CBLN2: variants seen among roughly 807,000 people sequenced by gnomAD.
CBLN2 encodes cerebellin-2.
Under a neutral mutation model 15.0 loss-of-function variants are expected in CBLN2, and 7 were observed. The observed-to-expected ratio is 0.47, with a 90% CI of 0.27 to 0.88. The LOEUF (loss-of-function observed/expected upper bound fraction) is 0.88, where lower values mean the gene tolerates loss of function less well. Ranked by LOEUF, CBLN2 falls within the 40% of genes least tolerant of loss-of-function variation. The probability of loss-of-function intolerance (pLI) is 0.14; values close to 1 mark genes in which losing one functional copy is unlikely to be tolerated. For synonymous variants in CBLN2, 149 were observed against 135.2 expected, an observed-to-expected ratio of 1.10 and a Z score of -0.71; for missense variants, 242 against 304.5, an observed-to-expected ratio of 0.79 and a Z score of 1.53.
intron 1 of CBLN2, among the ~76,000 whole-genome samples, chr18:72,563,323 A>G (rs966250356): frequency 6.6e-6 from 1 of 152,234 alleles, no homozygotes; most frequent in Non-Finnish European, 1.5e-5. Flanking sequence ...CATTATTTAT[A>G]TAAGTTTTAT....
chr18:72,615,678 T>C (rs1329223316), intron 1 of CBLN2, among the ~76,000 whole-genome samples: 1 of 152,168 alleles, frequency 6.6e-6, no homozygotes. Context: ...GCACAATATA[T>C]ATATTAAGCA....
intron 1 of CBLN2, among the ~76,000 whole-genome samples, chr18:72,554,729 A>C (rs2069213612): frequency 6.6e-6 from 1 of 152,210 alleles, no homozygotes; most frequent in Non-Finnish European, 1.5e-5. Flanking sequence ...CCAAAATTTC[A>C]GGCAAAGTCC....
chr18:72,581,861 G>A (rs560349411), intron 1 of CBLN2, among the ~76,000 whole-genome samples: 12 of 152,134 alleles, frequency 7.9e-5, no homozygotes, highest in African/African-American at 2.4e-4. Context: ...CGATTAGTTC[G>A]TATATGTTTG....
chr18:72,542,165 A>G lies in CBLN2; in HGVS notation c.-5T>C. 2 of 1,253,584 alleles carry G rather than the reference A, an allele frequency of 1.6e-6. No homozygotes were observed. Among genetic ancestry groups the G allele is most frequent in the Non-Finnish European group, 2.0e-6 (2 of 1,003,836 alleles). The allele number at this position is 1,253,584 out of a possible 1,614,324, so 77.7% of individuals were successfully genotyped here. On this transcript the variant is annotated 5_prime_UTR_variant, in exon 3 of 5. Transcript: ENST00000269503. ...CCCCCGGCCGGGCGCCTGCATCGGGACTGGTGGGAGGCGGCGCGCGGGGGT... is the reference window on the plus strand; with the variant it reads ...CCCCCGGCCGGGCGCCTGCATCGGGGCTGGTGGGAGGCGGCGCGCGGGGGT...
chr18:72,567,406 C>A (rs1196141066), intron 1 of CBLN2, among the ~76,000 whole-genome samples: 1 of 152,112 alleles, frequency 6.6e-6, no homozygotes, highest in Non-Finnish European at 1.5e-5. Flanking sequence ...CTGTCAGTCA[C>A]CTCTTGTTCT....
intron 1 of CBLN2, among the ~76,000 whole-genome samples, chr18:72,605,542 A>T (rs888585675): frequency 1.3e-5 from 2 of 152,238 alleles, no homozygotes; most frequent in Non-Finnish European, 2.9e-5. Flanking sequence ...GCTTTTAAAA[A>T]TTTTATATCA....
chr18:72,619,045 A>T, intron 1 of CBLN2: 3 of 759,930 alleles, frequency 3.9e-6, no homozygotes, highest in Non-Finnish European at 7.1e-6. Context: ...TGGAAGCTAC[A>T]GTGATTTTGG....
At chr18:72,638,020 T>C (rs2069825434) in intron 1 of CBLN2, among the ~76,000 whole-genome samples, 1 of 152,124 alleles carries the variant, frequency 6.6e-6, no homozygotes, top group South Asian at 2.1e-4. Flanking sequence ...GTAGGAAAGC[T>C]TGGAGGGGTT....
At chr18:72,566,745 T>A (rs1409454687) in intron 1 of CBLN2, among the ~76,000 whole-genome samples, 1 of 152,142 alleles carries the variant, frequency 6.6e-6, no homozygotes, top group Non-Finnish European at 1.5e-5. Flanking sequence ...CACAGAAGGG[T>A]AGTTAACAAT....
intron 1 of CBLN2, among the ~76,000 whole-genome samples, chr18:72,569,795 C>T (rs2144904588): frequency 6.6e-6 from 1 of 152,244 alleles, no homozygotes; most frequent in East Asian, 1.9e-4. Flanking sequence ...AGGGATTCTC[C>T]CCTACGATCT....
chr18:72,568,338 G>T (rs1048158605), intron 1 of CBLN2, among the ~76,000 whole-genome samples: 3 of 152,076 alleles, frequency 2.0e-5, no homozygotes, highest in Non-Finnish European at 4.4e-5. Flanking sequence ...TACATCCATC[G>T]ATGTGCTGGA....
chr18:72,543,395 C>A lies in CBLN2; in HGVS notation c.-167+91G>T, dbSNP rs1276039461. ...TTCCCTTCTCTCTCTCCACCTCCTCCACCCCTCGATCTGGACCAGGGAGAG... is the reference window on the plus strand; with the variant it reads ...TTCCCTTCTCTCTCTCCACCTCCTCAACCCCTCGATCTGGACCAGGGAGAG... On this transcript the variant is annotated intron_variant, in intron 2 of 4. Transcript: ENST00000269503. This position sits in a 1 kb window ranked among gnomAD's most constrained non-coding sequence, Gnocchi z 6.8. 2.5e-6 allele frequency: 1 copy of A among 397,936 alleles called. No homozygotes were observed. Among genetic ancestry groups the A allele is most frequent in the East Asian group, 3.6e-5 (1 of 27,998 alleles). 24.7% of individuals were successfully genotyped at this position (397,936 alleles called of 1,614,324 possible).
intron 1 of CBLN2, chr18:72,618,533 T>A (rs2069678227): frequency 1.4e-6 from 1 of 707,506 alleles, no homozygotes; most frequent in Non-Finnish European, 2.6e-6. Context: ...CAAAAAGCTG[T>A]CTCAAGAAAA....
chr18:72,551,153 T>C (rs1271033448), intron 1 of CBLN2, among the ~76,000 whole-genome samples: 1 of 152,130 alleles, frequency 6.6e-6, no homozygotes, highest in Non-Finnish European at 1.5e-5. Flanking sequence ...ATAAATTTAT[T>C]CCGATGCTTA....
intron 1 of CBLN2, among the ~76,000 whole-genome samples, chr18:72,611,358 C>T (rs1599022474): frequency 6.6e-6 from 1 of 152,288 alleles, no homozygotes; most frequent in South Asian, 2.1e-4. Flanking sequence ...ACATTCCCAC[C>T]AGTAGTGTAT....
chr18:72,617,214 G>A (rs2069668127), intron 1 of CBLN2, among the ~76,000 whole-genome samples: 1 of 152,172 alleles, frequency 6.6e-6, no homozygotes, highest in Admixed American at 6.5e-5. Flanking sequence ...TGTTGGTTCA[G>A]TAGAAACATC....
intron 1 of CBLN2, among the ~76,000 whole-genome samples, chr18:72,562,751 TAATTTAGG>T (rs1326130809): frequency 6.6e-6 from 1 of 152,232 alleles, no homozygotes; most frequent in Non-Finnish European, 1.5e-5. Context: ...CTGCCAAGTA[TAATTTAGG>T]TTTGATGTTA....
intron 1 of CBLN2, among the ~76,000 whole-genome samples, chr18:72,568,413 A>G (rs746223546): frequency 3.3e-5 from 5 of 152,202 alleles, no homozygotes; most frequent in African/African-American, 7.2e-5. Context: ...CTGTGACTTC[A>G]TGTCAGTAGC....
At chr18:72,607,707 C>T (rs1436383505) in intron 1 of CBLN2, among the ~76,000 whole-genome samples, 10 of 146,978 alleles carry the variant, frequency 6.8e-5, no homozygotes, top group Admixed American at 5.4e-4. Flanking sequence ...CTCTCTTTCT[C>T]TCTCTCTCTC....
Sources: allele counts gnomAD v4.1 joint callset (sites outside exome capture counted in the v4.1 genomes callset), GRCh38; gene constraint gnomAD v4.1.1; non-coding constraint Gnocchi (gnomAD v3.1); transcripts MANE v1.5; gene names NCBI Gene and HGNC (gene_info 2026-07-23, HGNC 2026-07-21).